Variants in DPH6 observed in about 807,000 individuals in gnomAD.
The protein encoded by DPH6 is diphthamine biosynthesis 6.
A neutral mutation model predicts 38.2 loss-of-function variants in DPH6; 33 were observed. The observed-to-expected ratio is 0.86, with a 90% CI of 0.65 to 1.15. The LOEUF (loss-of-function observed/expected upper bound fraction) is 1.15. DPH6 is among the 50% of genes most tolerant of loss of function. The pLI is 0.00. For synonymous variants in DPH6, 108 were observed against 103.0 expected (o/e 1.05, Z -0.30); for missense variants, 325 against 320.0 (o/e 1.02, Z -0.12).
the DPH6 span, among the ~76,000 whole-genome samples, chr15:35,191,492 G>A: frequency 1.3e-5 from 2 of 152,134 alleles, no homozygotes; most frequent in African/African-American, 4.8e-5. Flanking sequence ...AGACTAGCAT[G>A]CTTAAGTAAC....
chr15:35,249,882 G>A lies in DPH6; in HGVS notation n.201-29300C>T, dbSNP rs529607562. Among the ~76,000 whole-genome samples, 5 of 152,174 alleles carry A rather than the reference G, an allele frequency of 3.3e-5. No individual in the cohort carries two copies. In the East Asian group the frequency reaches 7.7e-4, roughly 24 times the overall value. Reference sequence around the variant, plus strand: ...CTTCTGATAAAATTATATAAAATACGGCCGGGCGCGGTGGCTCACGCCTGT... The same window carrying A: ...CTTCTGATAAAATTATATAAAATACAGCCGGGCGCGGTGGCTCACGCCTGT... On this transcript the variant is annotated intron_variant and non_coding_transcript_variant, in intron 3 of 3. Transcript: ENST00000560386.
At chr15:35,346,662 T>C (rs1186280840) in intron 3 of DPH6, among the ~76,000 whole-genome samples, 1 of 152,130 alleles carries the variant, frequency 6.6e-6, no homozygotes. Flanking sequence ...TGTTTCTTAT[T>C]GTTAAATTGT....
intron 6 of DPH6, among the ~76,000 whole-genome samples, chr15:35,386,924 T>C (rs1211372207): frequency 6.6e-6 from 1 of 152,244 alleles, no homozygotes; most frequent in African/African-American, 2.4e-5. Context: ...CCCATGCCTA[T>C]GTCCTGAATG....
intron 1 of DPH6, 40 bp downstream of exon 1, chr15:35,546,079 C>G (rs2055348402): frequency 1.5e-6 from 2 of 1,353,622 alleles, no homozygotes; most frequent in East Asian, 6.2e-5. Flanking sequence ...GGACGAGAGC[C>G]TGGCCTAGGA....
At chr15:35,490,499 G>C (rs2054462411) in intron 3 of DPH6, among the ~76,000 whole-genome samples, 1 of 152,122 alleles carries the variant, frequency 6.6e-6, no homozygotes, top group East Asian at 1.9e-4. Context: ...TTTTCTTGCA[G>C]TAAATTCATG....
downstream of DPH6, among the ~76,000 whole-genome samples, chr15:35,329,260 A>G (rs189469713): frequency 6.6e-6 from 1 of 152,340 alleles, no homozygotes; most frequent in Non-Finnish European, 1.5e-5. Flanking sequence ...TTCTAAGATT[A>G]TTATACACAA....
intron 3 of DPH6, among the ~76,000 whole-genome samples, chr15:35,313,794 C>T (rs905600829): frequency 5.9e-5 from 9 of 152,028 alleles, no homozygotes; most frequent in Non-Finnish European, 1.3e-4. Context: ...AAAATTGAAT[C>T]GAAATTGACT....
intron 3 of DPH6, among the ~76,000 whole-genome samples, chr15:35,316,221 T>A (rs2052187310): frequency 6.6e-6 from 1 of 152,124 alleles, no homozygotes; most frequent in Admixed American, 6.6e-5. Context: ...TTAAAAAAAG[T>A]TAAGGTGATA....
At chr15:35,465,614 G>T (rs1305826385) in intron 3 of DPH6, among the ~76,000 whole-genome samples, 2 of 152,032 alleles carry the variant, frequency 1.3e-5, no homozygotes, top group African/African-American at 4.8e-5. Context: ...ATATATTCAG[G>T]AATCTAATTA....
intron 3 of DPH6, chr15:35,521,602 A>G (rs2054923696): frequency 1.6e-6 from 2 of 1,228,990 alleles, no homozygotes; most frequent in South Asian, 4.1e-5. Context: ...CTTTTCATCT[A>G]CCACAGGATG....
intron 3 of DPH6, among the ~76,000 whole-genome samples, chr15:35,243,918 C>T (rs1031245401): frequency 1.3e-5 from 2 of 152,182 alleles, no homozygotes; most frequent in Non-Finnish European, 2.9e-5. Context: ...TTCAAGGCAG[C>T]AGCTAATGTA....
chr15:35,272,149 C>CA (rs1196437541), intron 3 of DPH6, among the ~76,000 whole-genome samples: 2 of 151,676 alleles, frequency 1.3e-5, no homozygotes, highest in Non-Finnish European at 2.9e-5. Flanking sequence ...TAAAAAAACA[C>CA]AAAAAACCAA....
intron 3 of DPH6, among the ~76,000 whole-genome samples, chr15:35,296,525 A>C (rs1258846767): frequency 6.6e-6 from 1 of 152,136 alleles, no homozygotes; most frequent in Non-Finnish European, 1.5e-5. Context: ...AATCATACAC[A>C]TAATTCCTTT....
downstream of DPH6, among the ~76,000 whole-genome samples, chr15:35,369,908 T>C (rs989721525): frequency 1.6e-4 from 25 of 151,632 alleles, no homozygotes; most frequent in African/African-American, 5.6e-4. Flanking sequence ...AAACCCAAAA[T>C]GGTCAATACA....
At chr15:35,376,236 A>G (rs2052778803) in intron 7 of DPH6, among the ~76,000 whole-genome samples, 1 of 152,160 alleles carries the variant, frequency 6.6e-6, no homozygotes, top group East Asian at 1.9e-4. Flanking sequence ...TACATTGCCT[A>G]ATATTCATTA....
At chr15:35,169,491 T>C in the DPH6 span, 1 of 152,208 alleles carries the variant, frequency 6.6e-6, no homozygotes. Flanking sequence ...AAGTCACTGA[T>C]AGGCTTTCTC....
intron 4 of DPH6, 54 bp from the exon 5 acceptor site, chr15:35,450,857 G>A (rs2053924219): frequency 7.4e-7 from 1 of 1,356,462 alleles, no homozygotes; most frequent in Non-Finnish European, 1.0e-6. Context: ...TTTTATACTT[G>A]GATCCACAGC....
chr15:35,326,664 G>A (rs1254260671), downstream of DPH6, among the ~76,000 whole-genome samples: 1 of 152,026 alleles, frequency 6.6e-6, no homozygotes, highest in Non-Finnish European at 1.5e-5. Flanking sequence ...TCAAACTCCT[G>A]GGTTCAAGCA....
chr15:35,218,591 T>A (rs1056701740), exon 4 of DPH6: 1 of 152,208 alleles, frequency 6.6e-6, no homozygotes, highest in African/African-American at 2.4e-5. Flanking sequence ...GAAATTATCT[T>A]TTTCTAATAG....
Sources: allele counts gnomAD v4.1 joint callset (sites outside exome capture counted in the v4.1 genomes callset), GRCh38; gene constraint gnomAD v4.1.1; transcripts MANE v1.5; gene names NCBI Gene and HGNC (gene_info 2026-07-23, HGNC 2026-07-21).